The following LRRC75A variants were observed in gnomAD, a reference collection of about 807,000 sequenced individuals.
LRRC75A encodes the protein leucine-rich repeat-containing protein 75A.
LRRC75A carries 12 observed loss-of-function variants against 26.0 expected under a neutral mutation model. The observed-to-expected ratio is 0.46, with a 90% CI of 0.30 to 0.75. The LOEUF is 0.75. LRRC75A is among the 30% of genes least tolerant of loss of function. The pLI, the probability that LRRC75A is intolerant of heterozygous loss-of-function variation, is 0.08. For missense variants in LRRC75A, 410 were observed against 486.6 expected, an observed-to-expected ratio of 0.84 and a Z score of 1.48; for synonymous variants, 223 against 219.3, an observed-to-expected ratio of 1.02 and a Z score of -0.15.
intron 3 of LRRC75A, among the ~76,000 whole-genome samples, chr17:16,444,561 ATC>A (rs759464556): frequency 1.3e-5 from 2 of 151,992 alleles, no homozygotes; most frequent in African/African-American, 2.4e-5. Flanking sequence ...GGCACAAAGG[ATC>A]TCTGAGTCCC....
rs546334238 is a variant in LRRC75A at position 16,458,768 on chromosome 17, G to A, written c.375+3490C>T. ...CCAAAGGTGTGAGCCACCGAGACTG[G>A]CAGACCTGCCAACTTCTGTTAAGCC... On this transcript the variant is annotated intron_variant, in intron 2 of 3. Coordinates refer to ENST00000470794, the MANE Select transcript of LRRC75A (RefSeq NM_001113567.3). Among the ~76,000 whole-genome samples the A allele has an allele frequency of 1.8e-3, 277 of 152,244 alleles. 1 individual carries two copies. Among genetic ancestry groups the A allele is most frequent in the African/African-American group, 6.1e-3 (253 of 41,536 alleles).
chr17:16,487,972 G>A (rs1208768124), intron 1 of LRRC75A, among the ~76,000 whole-genome samples: 1 of 152,234 alleles, frequency 6.6e-6, no homozygotes, highest in Non-Finnish European at 1.5e-5. Flanking sequence ...TGAACACGAA[G>A]ACAGGGGCTA....
At chr17:16,474,506 G>A (rs1002087267) in intron 1 of LRRC75A, among the ~76,000 whole-genome samples, 3 of 152,026 alleles carry the variant, frequency 2.0e-5, no homozygotes, top group South Asian at 2.1e-4. Flanking sequence ...AGTATGCCTG[G>A]GGCCAGATGG....
At chr17:16,482,452 C>T (rs751963466) in intron 1 of LRRC75A, among the ~76,000 whole-genome samples, 2 of 152,112 alleles carry the variant, frequency 1.3e-5, no homozygotes, top group Non-Finnish European at 2.9e-5. Context: ...GGCTGAGGGC[C>T]GTGGGAAGGC....
Position 16,442,635 on chromosome 17 carries a change from C to G in LRRC75A, c.*953G>C, listed in dbSNP as rs1414061709. ...CAAGGGATTGGACTCCTTCATTGTC[C>G]TAGGTTTTTAAGGTTTTAAAGCCCA... On this transcript the variant is annotated 3_prime_UTR_variant, in exon 4 of 4. Transcript: ENST00000470794. 2 of 152,224 alleles carry G rather than the reference C, an allele frequency of 1.3e-5. No individual in the cohort carries two copies. Among genetic ancestry groups the G allele is most frequent in the African/African-American group, 4.8e-5 (2 of 41,442 alleles). The allele number at this position is 152,224 out of a possible 1,614,324, so 9.4% of individuals were successfully genotyped here. A position where few individuals can be genotyped will look rare whatever the true frequency, so the allele number is the denominator to read the frequency against.
chr17:16,446,122 T>A (rs1415728958), intron 3 of LRRC75A, among the ~76,000 whole-genome samples: 1 of 152,200 alleles, frequency 6.6e-6, no homozygotes, highest in African/African-American at 2.4e-5. Context: ...TTAGCCAGGC[T>A]GGTCTTGAAC....
chr17:16,472,812 T>C (rs188116656), intron 1 of LRRC75A, among the ~76,000 whole-genome samples: 9 of 152,330 alleles, frequency 5.9e-5, no homozygotes, highest in Admixed American at 5.2e-4. Context: ...AGAGAACTAA[T>C]AGTCATCATA....
intron 1 of LRRC75A, among the ~76,000 whole-genome samples, chr17:16,488,551 C>T (rs996905538): frequency 1.3e-5 from 2 of 152,196 alleles, no homozygotes; most frequent in African/African-American, 2.4e-5. Flanking sequence ...GCTCAGTACC[C>T]CAGATCCCTC....
intron 1 of LRRC75A, among the ~76,000 whole-genome samples, chr17:16,483,491 G>C (rs1286523372): frequency 6.6e-6 from 1 of 152,334 alleles, no homozygotes; most frequent in East Asian, 1.9e-4. Context: ...CTTAGGGTTC[G>C]AATGTGAATC....
At chr17:16,446,246 G>A (rs1347371382) in intron 3 of LRRC75A, among the ~76,000 whole-genome samples, 1 of 152,172 alleles carries the variant, frequency 6.6e-6, no homozygotes, top group East Asian at 1.9e-4. Context: ...AAACTCATCT[G>A]TGTGCCAGGC....
In LRRC75A at chr17:16,491,676, G is replaced by A; in HGVS notation, c.246+69C>T. On this transcript the variant is annotated intron_variant, in intron 1 of 3. Transcript: ENST00000470794. The surrounding 1 kb of genome is among the most constrained non-coding windows in gnomAD (Gnocchi z 5.9). ...GCCCCCGGCTTCCTCGGTTAGGGAT[G>A]GGGCGCCCCCCCCGGCCCAGCACGC... The A allele has an allele frequency of 8.7e-7, 1 of 1,153,654 alleles. No homozygotes were observed. The highest frequency in any genetic ancestry group is 1.6e-5 in the African/African-American group (1 of 60,952). The allele number at this position is 1,153,654 out of a possible 1,614,324, so 71.5% of individuals were successfully genotyped here.
chr17:16,453,019 G>A (rs147694365), intron 2 of LRRC75A, among the ~76,000 whole-genome samples: 1,643 of 152,170 alleles, frequency 0.011, 29 homozygotes, highest in African/African-American at 0.037. Context: ...GGCCGGGCGC[G>A]GTAGTTCACG....
chr17:16,449,675 G>A lies in LRRC75A; in HGVS notation c.376-1715C>T, dbSNP rs564593825. On this transcript the variant is annotated intron_variant, in intron 2 of 3. Transcript: ENST00000470794. ...TCTGTCACCCAGGCTGGAGTGCAAT[G>A]GCACGATCTCGGCTCACTGCAACCT... is the stretch of plus-strand genomic sequence containing the variant. Among the ~76,000 whole-genome samples the A allele has an allele frequency of 3.3e-5, 5 of 152,262 alleles. No homozygotes were observed. The South Asian group carries it at 6.2e-4, about 19-fold the overall frequency.
In LRRC75A at chr17:16,473,129, CTGTGTG is replaced by C. The variant is rs10640541; in HGVS notation, c.247-10749_247-10744del. ...GAAAATTCAAGTCGTTGTAAGTAGT[CTGTGTG>C]TGTGTGTGTGTGTGTGCGCGCGCGC... On this transcript the variant is annotated intron_variant, in intron 1 of 3. Coordinates refer to ENST00000470794, the MANE Select transcript of LRRC75A (RefSeq NM_001113567.3). Among the ~76,000 whole-genome samples, 399 of 149,052 alleles carry C rather than the reference CTGTGTG, an allele frequency of 2.7e-3. 3 individuals carry two copies. The highest frequency in any genetic ancestry group is 8.9e-3 in the African/African-American group (362 of 40,724).
intron 2 of LRRC75A, among the ~76,000 whole-genome samples, chr17:16,455,412 C>G (rs985381705): frequency 6.6e-6 from 1 of 151,578 alleles, no homozygotes; most frequent in Non-Finnish European, 1.5e-5. Context: ...CGGAGTCTTG[C>G]TCTGTCGCCC....
At chr17:16,454,908 ATTTCTTTTCTTTTCT>A (rs146176252) in intron 2 of LRRC75A, among the ~76,000 whole-genome samples, 1 of 147,688 alleles carries the variant, frequency 6.8e-6, no homozygotes, top group Non-Finnish European at 1.5e-5. Context: ...AAGGGTCCTC[ATTTCTTTTCTTTTCT>A]TTTCTTTTCT....
chr17:16,472,995 G>A (rs1352287806), intron 1 of LRRC75A, among the ~76,000 whole-genome samples: 6 of 151,946 alleles, frequency 3.9e-5, no homozygotes, highest in Non-Finnish European at 7.4e-5. Context: ...CTTGAACATC[G>A]ACATTTAAAT....
At chr17:16,452,361 A>G (rs2143015338) in intron 2 of LRRC75A, among the ~76,000 whole-genome samples, 1 of 151,106 alleles carries the variant, frequency 6.6e-6, no homozygotes. Context: ...AACCAAACCA[A>G]ACCAAACAAC....
intron 2 of LRRC75A, among the ~76,000 whole-genome samples, chr17:16,450,852 TA>T: frequency 1.3e-5 from 2 of 152,078 alleles, no homozygotes; most frequent in Middle Eastern, 6.8e-3. Context: ...AGCTGACTGA[TA>T]TGCTGGATGG....
Sources: gnomAD v4.1 joint callset for allele counts (sites outside exome capture counted in the v4.1 genomes callset) on GRCh38, gnomAD v4.1.1 for gene constraint, Gnocchi (gnomAD v3.1) non-coding constraint, MANE v1.5 for transcripts, NCBI Gene and HGNC (gene_info 2026-07-23, HGNC 2026-07-21) for gene names.